Variants in ZNF184 observed in about 807,000 individuals in gnomAD.
The protein encoded by ZNF184 is zinc finger protein 184 (Kruppel-like).
In ZNF184, 16 loss-of-function variants were observed where a neutral mutation model predicts 54.4. The ratio of observed to expected loss-of-function variants is 0.29; its 90% CI spans 0.20 to 0.45. The LOEUF is 0.45. ZNF184 is among the 20% of genes least tolerant of loss of function. The probability of loss-of-function intolerance (pLI) is 1.00; values close to 1 mark genes in which losing one functional copy is unlikely to be tolerated. For synonymous variants in ZNF184, 254 were observed against 295.3 expected (o/e 0.86, Z 1.43); for missense variants, 681 against 888.2 (o/e 0.77, Z 2.97).
At chr6:27,448,674 G>A (rs575157667), downstream of ZNF184, among the ~76,000 whole-genome samples, 344 of 152,228 alleles carry the variant, frequency 2.3e-3, 1 homozygote, top group African/African-American at 5.6e-3. Context: ...ACCTCTGCCT[G>A]GAATGTTATC....
chr6:27,436,112 G>T, the ZNF184 span, among the ~76,000 whole-genome samples: 1 of 152,014 alleles, frequency 6.6e-6, no homozygotes, highest in Non-Finnish European at 1.5e-5. Context: ...TTTATGTATG[G>T]TTTTTATCAT....
chr6:27,435,442 G>A, the ZNF184 span, among the ~76,000 whole-genome samples: 20 of 151,956 alleles, frequency 1.3e-4, no homozygotes, highest in East Asian at 3.1e-3. Flanking sequence ...CTTCTGGATT[G>A]TTCCTTGTTA....
the ZNF184 span, among the ~76,000 whole-genome samples, chr6:27,416,360 A>G: frequency 6.6e-6 from 1 of 152,224 alleles, no homozygotes; most frequent in Non-Finnish European, 1.5e-5. Context: ...AGGTTTACTT[A>G]TGTAGACTTG....
the ZNF184 span, among the ~76,000 whole-genome samples, chr6:27,438,433 A>G: frequency 6.6e-6 from 1 of 152,160 alleles, no homozygotes; most frequent in Non-Finnish European, 1.5e-5. Flanking sequence ...GGAGTACTTA[A>G]TTGGACATGC....
At chr6:27,424,287 G>A in the ZNF184 span, among the ~76,000 whole-genome samples, 4 of 152,306 alleles carry the variant, frequency 2.6e-5, no homozygotes, top group Non-Finnish European at 5.9e-5. Flanking sequence ...CAAAAGTAGT[G>A]TGAGCACAAA....
At chr6:27,449,887 C>T (rs151088580), downstream of ZNF184, among the ~76,000 whole-genome samples, 1 of 151,282 alleles carries the variant, frequency 6.6e-6, no homozygotes, top group Non-Finnish European at 1.5e-5. Flanking sequence ...AAAAAAAAGA[C>T]CAAGAAATGG....
chr6:27,422,940 T>C, the ZNF184 span, among the ~76,000 whole-genome samples: 1 of 152,200 alleles, frequency 6.6e-6, no homozygotes, highest in Non-Finnish European at 1.5e-5. Context: ...ATCGAGATCC[T>C]AGGTCCCGCA....
chr6:27,453,444 A>G lies in ZNF184; in HGVS notation c.299-184T>C, dbSNP rs148242973. ...AAGGAGAATTATAAATAAAATACGAAAGTGGCAAAAGAATGTCTAATTCAA... is the reference window on the plus strand; with the variant it reads ...AAGGAGAATTATAAATAAAATACGAGAGTGGCAAAAGAATGTCTAATTCAA... On this transcript the variant is annotated intron_variant, in intron 5 of 5. Coordinates refer to ENST00000683788, the MANE Select transcript of ZNF184 (RefSeq NM_001318891.2). This position sits in a 1 kb window ranked among gnomAD's most constrained non-coding sequence, Gnocchi z 4.7. Among the ~76,000 whole-genome samples, 179 of 152,314 alleles carry G rather than the reference A, an allele frequency of 1.2e-3. 2 individuals are homozygous for G. The Middle Eastern group carries it at 0.017, about 14-fold the overall frequency.
At chr6:27,463,333 T>C (rs1763047536) in intron 3 of ZNF184, among the ~76,000 whole-genome samples, 1 of 150,538 alleles carries the variant, frequency 6.6e-6, no homozygotes, top group African/African-American at 2.4e-5. Flanking sequence ...AATGAGAATG[T>C]TTTGAGATTT....
At chr6:27,471,009 G>C (rs1472678029) in intron 2 of ZNF184, among the ~76,000 whole-genome samples, 1 of 152,138 alleles carries the variant, frequency 6.6e-6, no homozygotes, top group Non-Finnish European at 1.5e-5. Flanking sequence ...TATGAATAAT[G>C]TTAAGACTTC....
At chr6:27,446,557 C>T (rs1029060423), downstream of ZNF184, among the ~76,000 whole-genome samples, 2 of 152,218 alleles carry the variant, frequency 1.3e-5, no homozygotes, top group Non-Finnish European at 2.9e-5. Flanking sequence ...GACACAGCCA[C>T]TGCAGAGAGC....
the ZNF184 span, among the ~76,000 whole-genome samples, chr6:27,438,939 T>G: frequency 2.0e-5 from 3 of 152,218 alleles, no homozygotes; most frequent in African/African-American, 7.2e-5. Flanking sequence ...TTCACTATTA[T>G]TTTATCAATG....
chr6:27,412,674 T>C, the ZNF184 span, among the ~76,000 whole-genome samples: 1 of 152,230 alleles, frequency 6.6e-6, no homozygotes. Context: ...CATGTGCCCA[T>C]AGCTTGGCTT....
the ZNF184 span, among the ~76,000 whole-genome samples, chr6:27,408,489 T>C: frequency 1.2e-4 from 18 of 152,196 alleles, no homozygotes; most frequent in African/African-American, 4.1e-4. Context: ...GACTACTTGC[T>C]CTGGGCAAAT....
At chr6:27,417,935 T>C in the ZNF184 span, among the ~76,000 whole-genome samples, 3 of 152,214 alleles carry the variant, frequency 2.0e-5, no homozygotes, top group Admixed American at 1.3e-4. Context: ...ACTAGTGTCA[T>C]ATGGACAGGG....
the ZNF184 span, among the ~76,000 whole-genome samples, chr6:27,435,251 T>A: frequency 5.3e-5 from 8 of 152,214 alleles, no homozygotes; most frequent in Admixed American, 5.2e-4. Context: ...ATGACGTTTT[T>A]CTGTTAGCAA....
chr6:27,467,829 G>T lies in ZNF184; in HGVS notation c.75+24C>A, dbSNP rs1050674495. 7 of 1,583,956 alleles carry T rather than the reference G, an allele frequency of 4.4e-6. No homozygotes were observed. In the African/African-American group the frequency reaches 9.6e-5, roughly 22 times the overall value. ...CAATCACCCTCTAAAGAATAAAATG[G>T]CATTTCAAGAAACCACATCTTACCT... On this transcript the variant is annotated intron_variant, in intron 3 of 5. Coordinates refer to ENST00000683788, the MANE Select transcript of ZNF184 (RefSeq NM_001318891.2).
intron 3 of ZNF184, among the ~76,000 whole-genome samples, chr6:27,457,693 A>G (rs1175276685): frequency 6.6e-6 from 1 of 152,196 alleles, no homozygotes; most frequent in Non-Finnish European, 1.5e-5. Context: ...CATTACCATC[A>G]TCATCTCTGT....
the ZNF184 span, chr6:27,407,772 C>A: frequency 1.3e-6 from 1 of 774,318 alleles, no homozygotes; most frequent in Non-Finnish European, 2.4e-6. Flanking sequence ...ACAAGATTTG[C>A]AGCTCCATTA....
Sources: gnomAD v4.1 joint callset for allele counts (sites outside exome capture counted in the v4.1 genomes callset) on GRCh38, gnomAD v4.1.1 for gene constraint, Gnocchi (gnomAD v3.1) non-coding constraint, MANE v1.5 for transcripts, NCBI Gene and HGNC (gene_info 2026-07-23, HGNC 2026-07-21) for gene names.